Variants in CALN1 observed in about 807,000 individuals in gnomAD.
CALN1 encodes the protein calcium-binding protein 8.
Under a neutral mutation model 30.6 loss-of-function variants are expected in CALN1, and 17 were observed. The ratio of observed to expected loss-of-function variants is 0.56; its 90% CI spans 0.38 to 0.83. CALN1 has a LOEUF of 0.83. Ranked by LOEUF, CALN1 falls within the 40% of genes least tolerant of loss-of-function variation. The pLI, the probability that CALN1 is intolerant of heterozygous loss-of-function variation, is 0.00. For missense variants in CALN1, 291 were observed against 354.9 expected, an observed-to-expected ratio of 0.82 and a Z score of 1.45; for synonymous variants, 156 against 131.4, an observed-to-expected ratio of 1.19 and a Z score of -1.28.
intron 4 of CALN1, among the ~76,000 whole-genome samples, chr7:72,049,269 A>G (rs987858167): frequency 2.6e-5 from 4 of 152,204 alleles, no homozygotes; most frequent in African/African-American, 4.8e-5. Flanking sequence ...TGAGAGAAAG[A>G]TAATACATGA....
chr7:72,042,667 T>C (rs376616736), intron 4 of CALN1, among the ~76,000 whole-genome samples: 1 of 152,180 alleles, frequency 6.6e-6, no homozygotes. Flanking sequence ...GGCCAACAGA[T>C]TGAGGCTGCA....
chr7:71,873,706 C>T (rs967728516), intron 5 of CALN1, among the ~76,000 whole-genome samples: 2 of 152,228 alleles, frequency 1.3e-5, no homozygotes, highest in African/African-American at 2.4e-5. Flanking sequence ...TGGGGCCAGG[C>T]CCCAAAAATC....
chr7:71,842,678 A>G (rs1307747231), intron 5 of CALN1, among the ~76,000 whole-genome samples: 1 of 152,200 alleles, frequency 6.6e-6, no homozygotes, highest in Non-Finnish European at 1.5e-5. Context: ...CACTTTGATA[A>G]CATGCTAATA....
intron 5 of CALN1, among the ~76,000 whole-genome samples, chr7:71,893,877 T>G (rs563832133): frequency 1.2e-3 from 179 of 152,104 alleles, no homozygotes; most frequent in African/African-American, 4.0e-3. Flanking sequence ...AAGGAAATAA[T>G]ATTGGTCCAA....
At chr7:71,952,363 G>A (rs1487494796) in intron 5 of CALN1, among the ~76,000 whole-genome samples, 3 of 152,246 alleles carry the variant, frequency 2.0e-5, no homozygotes, top group Admixed American at 2.0e-4. Flanking sequence ...CCTTGCCTGA[G>A]GAAGATGTTG....
intron 3 of CALN1, among the ~76,000 whole-genome samples, chr7:72,264,484 A>C (rs908665728): frequency 2.7e-5 from 4 of 148,974 alleles, no homozygotes; most frequent in African/African-American, 5.0e-5. Flanking sequence ...CTGCTCAAAA[A>C]TAATAAGCAG....
At chr7:71,924,838 A>T (rs971440001) in intron 5 of CALN1, among the ~76,000 whole-genome samples, 37 of 152,196 alleles carry the variant, frequency 2.4e-4, no homozygotes, top group African/African-American at 8.9e-4. Flanking sequence ...CAAATACATT[A>T]TGTCTTAAAA....
intron 2 of CALN1, among the ~76,000 whole-genome samples, chr7:72,380,172 A>G (rs1356759529): frequency 6.6e-6 from 1 of 152,196 alleles, no homozygotes; most frequent in South Asian, 2.1e-4. Flanking sequence ...GATTCCACTT[A>G]GGTTCCACAG....
chr7:72,219,799 A>G (rs1363276023), intron 3 of CALN1, among the ~76,000 whole-genome samples: 2 of 152,160 alleles, frequency 1.3e-5, no homozygotes, highest in Non-Finnish European at 2.9e-5. Flanking sequence ...TTTCCTATGC[A>G]AATAGGAGAC....
chr7:72,201,462 G>T (rs11974341), intron 3 of CALN1, among the ~76,000 whole-genome samples: 1 of 151,816 alleles, frequency 6.6e-6, no homozygotes, highest in Non-Finnish European at 1.5e-5. Context: ...ATGGTGGTGC[G>T]CACCTATAAT....
chr7:71,867,799 C>A (rs1791678938), intron 5 of CALN1, among the ~76,000 whole-genome samples: 1 of 152,098 alleles, frequency 6.6e-6, no homozygotes, highest in Non-Finnish European at 1.5e-5. Context: ...ATCAAAGACC[C>A]ACAGTATTTG....
At chr7:71,997,301 A>C (rs1004664798) in intron 5 of CALN1, among the ~76,000 whole-genome samples, 1 of 152,184 alleles carries the variant, frequency 6.6e-6, no homozygotes, top group Non-Finnish European at 1.5e-5. Flanking sequence ...GAAAAAAATC[A>C]AAATGTACTG....
chr7:72,012,872 T>A (rs1030158738), intron 5 of CALN1, among the ~76,000 whole-genome samples: 2 of 152,208 alleles, frequency 1.3e-5, no homozygotes, highest in Non-Finnish European at 2.9e-5. Flanking sequence ...CTTGGCTCAC[T>A]GTAACCTCCG....
chr7:72,408,675 C>CTTTTTTTTT lies in CALN1; in HGVS notation c.-74+3374_-74+3382dup, dbSNP rs534883618. 5.3e-3 allele frequency among the ~76,000 whole-genome samples: 415 copies of CTTTTTTTTT among 77,962 alleles called. 17 individuals carry two copies. The highest frequency in any genetic ancestry group is 6.9e-3 in the Non-Finnish European group (308 of 44,326). The allele number at this position is 77,962 out of a possible 152,430, so 51.1% of individuals were successfully genotyped here. ...AATGACCACCAATTATTATCTTTTC[C>CTTTTTTTTT]TTTTTTTTTTTTTTTTTTTGAGACA... On this transcript the variant is annotated intron_variant, in intron 1 of 6. Coordinates refer to ENST00000395275, the MANE Select transcript of CALN1 (RefSeq NM_031468.4).
At chr7:72,028,194 A>C (rs888515822) in intron 4 of CALN1, among the ~76,000 whole-genome samples, 6 of 151,984 alleles carry the variant, frequency 3.9e-5, no homozygotes, top group Admixed American at 2.6e-4. Context: ...ATGTGGCAAA[A>C]CCCATGCTTG....
At chr7:71,858,424 G>T (rs1338612674) in intron 5 of CALN1, among the ~76,000 whole-genome samples, 1 of 151,914 alleles carries the variant, frequency 6.6e-6, no homozygotes. Flanking sequence ...TAAGTCAAAG[G>T]GAAGAGTTGA....
At chr7:72,007,502 G>A (rs546385623) in intron 5 of CALN1, among the ~76,000 whole-genome samples, 17 of 152,270 alleles carry the variant, frequency 1.1e-4, no homozygotes, top group South Asian at 6.2e-4. Flanking sequence ...AGCCTGGATC[G>A]CATAACTGCA....
At chr7:72,066,966 T>G (rs1378021815) in intron 4 of CALN1, among the ~76,000 whole-genome samples, 1 of 151,502 alleles carries the variant, frequency 6.6e-6, no homozygotes. Flanking sequence ...TTTTTTGTAT[T>G]TTAGTAGAGA....
At chr7:72,377,436 C>CGTGAGT (rs1804627331) in intron 2 of CALN1, among the ~76,000 whole-genome samples, 1 of 142,336 alleles carries the variant, frequency 7.0e-6, no homozygotes, top group African/African-American at 2.7e-5. Context: ...GCCACACTTT[C>CGTGAGT]GTGTGTGTGT....
Sources: gnomAD v4.1 joint callset for allele counts (sites outside exome capture counted in the v4.1 genomes callset) on GRCh38, gnomAD v4.1.1 for gene constraint, MANE v1.5 for transcripts, NCBI Gene and HGNC (gene_info 2026-07-23, HGNC 2026-07-21) for gene names.